SIAH2: variants seen among roughly 807,000 people sequenced by gnomAD.
The protein encoded by SIAH2 is siah E3 ubiquitin protein ligase 2.
In SIAH2, 4 loss-of-function variants were observed where a neutral mutation model predicts 20.4. That is an observed-to-expected ratio of 0.20 (90% CI 0.10 to 0.45). The LOEUF (loss-of-function observed/expected upper bound fraction) is 0.45, where lower values mean the gene tolerates loss of function less well. Among genes scored for constraint, SIAH2 ranks in the 20% least tolerant of loss-of-function variants. SIAH2 has a pLI of 0.99. For missense variants in SIAH2, 259 were observed against 440.3 expected, an observed-to-expected ratio of 0.59 and a Z score of 3.69; for synonymous variants, 171 against 192.5, an observed-to-expected ratio of 0.89 and a Z score of 0.93.
intron 1 of SIAH2, among the ~76,000 whole-genome samples, chr3:150,759,757 T>C (rs1714563943): frequency 1.3e-5 from 2 of 151,872 alleles, no homozygotes; most frequent in Non-Finnish European, 2.9e-5. Context: ...ATAGAGGGCA[T>C]CCAATAACAT....
chr3:150,745,501 CTT>C (rs528343423), intron 1 of SIAH2, among the ~76,000 whole-genome samples: 1 of 144,702 alleles, frequency 6.9e-6, no homozygotes. Flanking sequence ...GTTTTCTTTT[CTT>C]TTTTTTTTTT....
chr3:150,755,553 T>G (rs1714469556), intron 1 of SIAH2, among the ~76,000 whole-genome samples: 2 of 152,048 alleles, frequency 1.3e-5, no homozygotes. Context: ...TTCACTCTTG[T>G]TGCCCAGGCT....
rs574596010 is a variant in SIAH2 at position 150,758,569 on chromosome 3, ATT to A, written c.417+3862_417+3863del. Among the ~76,000 whole-genome samples the A allele has an allele frequency of 8.2e-4, 106 of 129,642 alleles. 1 individual carries two copies. Among genetic ancestry groups the A allele is most frequent in the Middle Eastern group, 3.8e-3 (1 of 262 alleles). 85.1% of individuals were successfully genotyped at this position (129,642 alleles called of 152,430 possible). A position where few individuals can be genotyped will look rare whatever the true frequency, so the allele number is the denominator to read the frequency against. On this transcript the variant is annotated intron_variant, in intron 1 of 1. Transcript: ENST00000312960. ...AAAGCCATACACTATTAGACATTCC[ATT>A]TTTTTTTTTTTTTTTTTGACACAGA...
intron 1 of SIAH2, among the ~76,000 whole-genome samples, chr3:150,744,292 A>T (rs954814031): frequency 4.6e-5 from 7 of 152,310 alleles, no homozygotes; most frequent in African/African-American, 1.7e-4. Flanking sequence ...AATGTAGCTC[A>T]TCCTCCAACC....
intron 1 of SIAH2, among the ~76,000 whole-genome samples, chr3:150,751,244 C>A (rs535319118): frequency 6.6e-6 from 1 of 152,128 alleles, no homozygotes; most frequent in East Asian, 1.9e-4. Flanking sequence ...CCAGCCTGGG[C>A]AACATGGTGA....
intron 1 of SIAH2, among the ~76,000 whole-genome samples, chr3:150,743,081 A>G (rs1053147459): frequency 3.3e-5 from 5 of 152,130 alleles, no homozygotes; most frequent in Admixed American, 6.5e-5. Context: ...GGTGGTGGGG[A>G]TGGGGTTGGG....
intron 1 of SIAH2, among the ~76,000 whole-genome samples, chr3:150,759,233 T>A (rs1307622043): frequency 6.6e-6 from 1 of 152,130 alleles, no homozygotes; most frequent in East Asian, 1.9e-4. Context: ...CTGGCAACAC[T>A]CTAGCCTTTA....
chr3:150,757,811 A>C (rs112864553), intron 1 of SIAH2, among the ~76,000 whole-genome samples: 2,001 of 151,996 alleles, frequency 0.013, 52 homozygotes, highest in African/African-American at 0.046. Flanking sequence ...GTGAGATGAC[A>C]TCTCTTAAAG....
At chr3:150,744,592 T>G (rs1714168873) in intron 1 of SIAH2, among the ~76,000 whole-genome samples, 1 of 152,062 alleles carries the variant, frequency 6.6e-6, no homozygotes. Flanking sequence ...CTTCTGTGAG[T>G]GATGGGTGAG....
intron 1 of SIAH2, among the ~76,000 whole-genome samples, chr3:150,753,307 G>A (rs1456489648): frequency 6.6e-6 from 1 of 152,212 alleles, no homozygotes; most frequent in Admixed American, 6.5e-5. Flanking sequence ...TCCAAGGCAA[G>A]AGTGAGTATG....
At chr3:150,758,549 C>T (rs1714534201) in intron 1 of SIAH2, among the ~76,000 whole-genome samples, 1 of 150,188 alleles carries the variant, frequency 6.7e-6, no homozygotes. Flanking sequence ...GGAAGAAAGC[C>T]ATACACTATT....
chr3:150,757,035 T>C (rs940276435), intron 1 of SIAH2, among the ~76,000 whole-genome samples: 1 of 152,132 alleles, frequency 6.6e-6, no homozygotes, highest in Non-Finnish European at 1.5e-5. Context: ...ACCACCCCAA[T>C]ACCCCCCATA....
intron 1 of SIAH2, among the ~76,000 whole-genome samples, chr3:150,745,731 G>A (rs1291925831): frequency 1.3e-5 from 2 of 151,986 alleles, no homozygotes; most frequent in Admixed American, 6.5e-5. Context: ...TCCTGACCTC[G>A]TGATCCACCC....
At chr3:150,748,606 G>A (rs1219041758) in intron 1 of SIAH2, among the ~76,000 whole-genome samples, 4 of 152,160 alleles carry the variant, frequency 2.6e-5, no homozygotes, top group Admixed American at 2.6e-4. Flanking sequence ...ACCGGCTTAC[G>A]TCCTAGGAAA....
At position 150,762,598 on chromosome 3, in the gene SIAH2, A is replaced by G; in HGVS notation, c.252T>C (p.Phe84=). Residue 84 remains phenylalanine (F), a synonymous_variant, in exon 1 of 2, where the codon TTT becomes TTC. Transcript: ENST00000312960. The surrounding 1 kb of genome is among the most constrained non-coding windows in gnomAD (Gnocchi z 6.6). ...LTSLFECPVC[F]DYVLPPILQC... ...GCAGAATAGGAGGCAGGACATAGTC[A>G]AAGCAGACCGGACACTCGAAGAGCG... The G allele has an allele frequency of 6.2e-7, 1 of 1,612,892 alleles. No homozygotes were observed. Among genetic ancestry groups the G allele is most frequent in the Non-Finnish European group, 8.5e-7 (1 of 1,179,790 alleles).
chr3:150,742,274 C>T lies in SIAH2; in HGVS notation c.842G>A (p.Arg281His), dbSNP rs765846031. 42 of 1,614,142 alleles carry T rather than the reference C, an allele frequency of 2.6e-5. No individual in the cohort carries two copies. Among genetic ancestry groups the T allele is most frequent in the Middle Eastern group, 1.6e-4 (1 of 6,062 alleles). ...CGCAGCCACACCGTCATGAATCGAA[C>T]GGGGCGTGGCCTCCCAGGTCAATCT... The part of the protein sequence containing the change: ...RRRLTWEATP[R>H]SIHDGVAAAI... Residue 281 changes from arginine to histidine, a missense_variant, in exon 2 of 2, where the codon CGT becomes CAT. Around this residue, in one of 2 missense-constraint regions of SIAH2, gnomAD observed 160 missense variants for 327.6 expected, o/e 0.49. Transcript: ENST00000312960. The surrounding 1 kb of genome is among the most constrained non-coding windows in gnomAD (Gnocchi z 4.8).
chr3:150,751,471 C>T (rs915233293), intron 1 of SIAH2, among the ~76,000 whole-genome samples: 2 of 151,928 alleles, frequency 1.3e-5, no homozygotes, highest in African/African-American at 4.8e-5. Flanking sequence ...AGTGCAGTAA[C>T]AGTTTTACAG....
At chr3:150,753,738 G>A (rs1017711373) in intron 1 of SIAH2, among the ~76,000 whole-genome samples, 2 of 152,040 alleles carry the variant, frequency 1.3e-5, no homozygotes, top group Non-Finnish European at 2.9e-5. Flanking sequence ...AGGCTGCAGT[G>A]AGCTGTGATT....
chr3:150,750,161 C>T (rs1304065452), intron 1 of SIAH2, among the ~76,000 whole-genome samples: 2 of 152,198 alleles, frequency 1.3e-5, no homozygotes, highest in Admixed American at 1.3e-4. Flanking sequence ...TTTTAACCAT[C>T]AGTCAAACTT....
Sources: allele counts gnomAD v4.1 joint callset (sites outside exome capture counted in the v4.1 genomes callset), GRCh38; gene constraint gnomAD v4.1.1; regional missense constraint gnomAD v4.1.1; non-coding constraint Gnocchi (gnomAD v3.1); transcripts MANE v1.5; gene names NCBI Gene and HGNC (gene_info 2026-07-23, HGNC 2026-07-21).